Variants in URB1 observed in about 807,000 individuals in gnomAD.
URB1 encodes the protein URB1 ribosome biogenesis factor.
In URB1, 197 loss-of-function variants were observed where a neutral mutation model predicts 242.3. The observed-to-expected ratio is 0.81, with a 90% CI of 0.72 to 0.91. The LOEUF (loss-of-function observed/expected upper bound fraction) is 0.91. Among genes scored for constraint, URB1 ranks in the 40% least tolerant of loss-of-function variants. URB1 has a pLI of 0.00. For synonymous variants in URB1, 1,153 were observed against 1,201.8 expected (o/e 0.96, Z 0.84); for missense variants, 2,721 against 2,860.5 (o/e 0.95, Z 1.11).
chr21:32,392,648 A>G, intron 1 of URB1, 121 bp downstream of exon 1: 3 of 1,256,452 alleles, frequency 2.4e-6, no homozygotes, highest in Non-Finnish European at 3.1e-6. Flanking sequence ...TCTGCAAACC[A>G]GAGGCTTGCC....
In URB1 at chr21:32,324,564, T is replaced by C; in HGVS notation, c.5160A>G (p.Arg1720=). The C allele has an allele frequency of 6.4e-7, 1 of 1,551,784 alleles. No homozygotes were observed. The highest frequency in any genetic ancestry group is 2.4e-5 in the East Asian group (1 of 40,922). ...YLLDVVRNGI[R]TQDMRLTFTL... ...TAAAAGTAAGTCTCATGTCCTGAGTTCGAATCCCATTCCGGACTACATCCA... is the reference window on the plus strand; with the variant it reads ...TAAAAGTAAGTCTCATGTCCTGAGTCCGAATCCCATTCCGGACTACATCCA... The change falls in exon 32 of 39, where the codon CGA becomes CGG. Residue 1720 remains arginine, a synonymous_variant. Transcript: ENST00000382751.
intron 14 of URB1, 97 bp from the exon 15 acceptor site, chr21:32,357,753 C>A (rs761365919): frequency 2.0e-6 from 2 of 1,007,898 alleles, no homozygotes; most frequent in Non-Finnish European, 2.5e-6. Flanking sequence ...TGGGGCCAGG[C>A]GTGGTGGCTT....
At chr21:32,369,445 A>T (rs924735375) in intron 8 of URB1, among the ~76,000 whole-genome samples, 2 of 151,816 alleles carry the variant, frequency 1.3e-5, no homozygotes, top group African/African-American at 2.4e-5. Flanking sequence ...TGAAAGGGGG[A>T]TTTGTTTTAA....
Position 32,392,969 on chromosome 21 carries a change from C to T in URB1, c.-59G>A, listed in dbSNP as rs529094250. ...CACCTGAGGGGACCCGGCAGGAGCA[C>T]TGGCACAGACAGCAGACACGCGCTT... On this transcript the variant is annotated 5_prime_UTR_variant, in exon 1 of 39. It adds an upstream start codon to the 5' untranslated region. Coordinates refer to ENST00000382751, the MANE Select transcript of URB1 (RefSeq NM_014825.3). 4 of 1,429,794 alleles carry T rather than the reference C, an allele frequency of 2.8e-6. No homozygotes were observed. The highest frequency in any genetic ancestry group is 2.7e-5 in the East Asian group (1 of 37,310). 88.6% of individuals were successfully genotyped at this position (1,429,794 alleles called of 1,614,324 possible). A position where few individuals can be genotyped will look rare whatever the true frequency, so the allele number is the denominator to read the frequency against.
chr21:32,373,624 C>T lies in URB1; in HGVS notation c.876+23G>A, dbSNP rs758682716. On this transcript the variant is annotated intron_variant, in intron 7 of 38. Coordinates refer to ENST00000382751, the MANE Select transcript of URB1 (RefSeq NM_014825.3). ...GATCAAATTCCAACAACGAGGTCAA[C>T]GAAAACCAAAAAGTGTCTGCACCTT... 1.6e-5 allele frequency: 25 copies of T among 1,524,326 alleles called. 1 individual carries two copies. In the South Asian group the frequency reaches 1.7e-4, roughly 10 times the overall value. 94.4% of individuals were successfully genotyped at this position (1,524,326 alleles called of 1,614,324 possible). A position where few individuals can be genotyped will look rare whatever the true frequency, so the allele number is the denominator to read the frequency against.
At chr21:32,365,015 T>C (rs1006898566) in intron 10 of URB1, among the ~76,000 whole-genome samples, 1 of 152,236 alleles carries the variant, frequency 6.6e-6, no homozygotes, top group South Asian at 2.1e-4. Flanking sequence ...AGCCACTCCG[T>C]GCAGGAGCTA....
chr21:32,326,637 G>A (rs573080523), intron 30 of URB1, among the ~76,000 whole-genome samples: 1 of 152,140 alleles, frequency 6.6e-6, no homozygotes, highest in East Asian at 1.9e-4. Flanking sequence ...TCATGCTAGT[G>A]AGTTCTCACA....
chr21:32,311,122 T>C lies in URB1; in HGVS notation c.*3796A>G, dbSNP rs536794855. 2 of 153,424 alleles carry C rather than the reference T, an allele frequency of 1.3e-5. No individual in the cohort carries two copies. Among genetic ancestry groups the C allele is most frequent in the South Asian group, 2.1e-4 (1 of 4,856 alleles). 9.5% of individuals were successfully genotyped at this position (153,424 alleles called of 1,614,324 possible). On this transcript the variant is annotated 3_prime_UTR_variant, in exon 39 of 39. Coordinates refer to ENST00000382751, the MANE Select transcript of URB1 (RefSeq NM_014825.3). ...AGGAAGAGCAAAGCCACATCTTACA[T>C]GACACAGGCAAAAGGGCATGTGCAG...
At chr21:32,338,608 T>G in intron 26 of URB1, 99 bp downstream of exon 26, 1 of 1,340,744 alleles carries the variant, frequency 7.5e-7, no homozygotes, top group Non-Finnish European at 1.0e-6. Context: ...CTTCCTTAGC[T>G]CCGAGAGCCG....
At chr21:32,319,454 G>C in intron 35 of URB1, 40 bp from the exon 36 acceptor site, 19 of 1,463,500 alleles carry the variant, frequency 1.3e-5, no homozygotes, top group Non-Finnish European at 1.5e-5. Context: ...GCCACATCCT[G>C]ACCTTTCAGC....
At chr21:32,357,487 G>A in intron 15 of URB1, 50 bp downstream of exon 15, 1 of 1,438,988 alleles carries the variant, frequency 6.9e-7, no homozygotes, top group South Asian at 1.6e-5. Context: ...CCATAAGGAA[G>A]ATCTATACAA....
intron 4 of URB1, among the ~76,000 whole-genome samples, chr21:32,382,733 C>T (rs377564051): frequency 9.9e-5 from 15 of 152,178 alleles, no homozygotes; most frequent in African/African-American, 2.6e-4. Flanking sequence ...AGAGGCCCTA[C>T]GACAGACAAC....
intron 30 of URB1, among the ~76,000 whole-genome samples, chr21:32,329,019 A>G (rs373804046): frequency 5.9e-5 from 9 of 151,998 alleles, no homozygotes; most frequent in African/African-American, 2.2e-4. Flanking sequence ...AAGGTGCTGT[A>G]ATCCCCCAGC....
chr21:32,360,879 AT>A (rs1215509525), intron 13 of URB1, 127 bp downstream of exon 13: 5 of 579,262 alleles, frequency 8.6e-6, no homozygotes, highest in African/African-American at 5.8e-5. Flanking sequence ...TGCAAGTACA[AT>A]TTCTCAGGCT....
chr21:32,312,403 C>A lies in URB1; in HGVS notation c.*2515G>T. 9.9e-7 allele frequency: 1 copy of A among 1,005,146 alleles called. No homozygotes were observed. Among genetic ancestry groups the A allele is most frequent in the Non-Finnish European group, 1.3e-6 (1 of 792,510 alleles). The allele number at this position is 1,005,146 out of a possible 1,614,324, so 62.3% of individuals were successfully genotyped here. On this transcript the variant is annotated 3_prime_UTR_variant, in exon 39 of 39. Coordinates refer to ENST00000382751, the MANE Select transcript of URB1 (RefSeq NM_014825.3). ...CTTTGTTAGGATGCTGGGTAAGTTC[C>A]CATCCAAGCTCCACTAACACCCGCC...
At chr21:32,332,969 C>A in intron 30 of URB1, 1 of 293,516 alleles carries the variant, frequency 3.4e-6, no homozygotes, top group Non-Finnish European at 6.5e-6. Context: ...GCAGGCTGAC[C>A]CATTATCAGG....
At chr21:32,359,312 T>C (rs1039879508) in intron 14 of URB1, among the ~76,000 whole-genome samples, 2 of 152,174 alleles carry the variant, frequency 1.3e-5, no homozygotes, top group Non-Finnish European at 1.5e-5. Context: ...TGATTTAACA[T>C]TATGTTCTCC....
chr21:32,322,557 T>C lies in URB1; in HGVS notation c.5261A>G (p.Asn1754Ser), dbSNP rs557976152. 9.0e-6 allele frequency: 14 copies of C among 1,551,990 alleles called. No homozygotes were observed. Among genetic ancestry groups the C allele is most frequent in the East Asian group, 2.4e-5 (1 of 40,926 alleles). ...PEEHMYLKVS[N>S]FLLSHEYLNM... ...CAAGTACTCATGCGACAGCAGGAAGTTGCTGACCTTCAGGTACATGTGCTC... is the reference window on the plus strand; with the variant it reads ...CAAGTACTCATGCGACAGCAGGAAGCTGCTGACCTTCAGGTACATGTGCTC... Residue 1754 changes from asparagine (N) to serine (S), a missense_variant, in exon 33 of 39, where the codon AAC (asparagine) becomes AGC (serine). By Grantham distance (46) the Asn-to-Ser change is conservative. Transcript: ENST00000382751.
In URB1 at chr21:32,312,277, AATCAAGAGGAAAAGCT is replaced by A; in HGVS notation, c.*2625_*2640del. On this transcript the variant is annotated 3_prime_UTR_variant, in exon 39 of 39. Coordinates refer to ENST00000382751, the MANE Select transcript of URB1 (RefSeq NM_014825.3). ...AGAGTAGGAAAATAAAATATATGCA[AATCAAGAGGAAAAGCT>A]GTTTGCTTACTAATCTTTACTATGC... The A allele has an allele frequency of 7.3e-7, 1 of 1,372,156 alleles. No individual in the cohort carries two copies. The highest frequency in any genetic ancestry group is 1.5e-5 in the South Asian group (1 of 65,236). The allele number at this position is 1,372,156 out of a possible 1,614,324, so 85.0% of individuals were successfully genotyped here. A position where few individuals can be genotyped will look rare whatever the true frequency, so the allele number is the denominator to read the frequency against.
Sources: gnomAD v4.1 joint callset for allele counts (sites outside exome capture counted in the v4.1 genomes callset) on GRCh38, gnomAD v4.1.1 for gene constraint, MANE v1.5 for transcripts, NCBI Gene and HGNC (gene_info 2026-07-23, HGNC 2026-07-21) for gene names.